Variants in EPB41 observed in about 807,000 individuals in gnomAD.
The protein encoded by EPB41 is erythrocyte membrane protein band 4.1.
Under a neutral mutation model 108.0 loss-of-function variants are expected in EPB41, and 65 were observed. The ratio of observed to expected loss-of-function variants is 0.60; its 90% CI spans 0.49 to 0.74. EPB41 has a LOEUF of 0.74. EPB41 is among the 30% of genes least tolerant of loss of function. The probability of loss-of-function intolerance (pLI) is 0.00; values close to 1 mark genes in which losing one functional copy is unlikely to be tolerated. For synonymous variants in EPB41, 336 were observed against 358.9 expected (o/e 0.94, Z 0.72); for missense variants, 875 against 1,037.0 (o/e 0.84, Z 2.15).
At chr1:28,892,062 C>A (rs1451161420) in intron 1 of EPB41, among the ~76,000 whole-genome samples, 1 of 138,590 alleles carries the variant, frequency 7.2e-6, no homozygotes, top group African/African-American at 2.8e-5. Flanking sequence ...CACTGCACTC[C>A]AGCCTGGGCA....
rs145888614 is a variant in EPB41, at chr1:29,053,114, C to T, written c.1647C>T (p.Val549=). The change falls in exon 12 of 21, where the codon GTC becomes GTT. Residue 549 remains valine (V), a synonymous_variant. Transcript: ENST00000343067. Reference sequence around the variant, plus strand: ...CCCTTTCTCACATAGCAGCAGCTGTCGATTCGGCAGACCGAAGTCCTCGGC... The same window carrying T: ...CCCTTTCTCACATAGCAGCAGCTGTTGATTCGGCAGACCGAAGTCCTCGGC... ...ASRSLDGAAA[V]DSADRSPRPT... 134 of 1,613,888 alleles carry T rather than the reference C, an allele frequency of 8.3e-5. No homozygotes were observed. The highest frequency in any genetic ancestry group is 1.1e-4 in the Non-Finnish European group (125 of 1,180,044).
At chr1:29,047,398 C>T (rs1325417374) in intron 11 of EPB41, among the ~76,000 whole-genome samples, 10 of 149,812 alleles carry the variant, frequency 6.7e-5, no homozygotes, top group Non-Finnish European at 7.4e-5. Flanking sequence ...CACAAGTTCA[C>T]GCTACCGCGC....
intron 16 of EPB41, chr1:29,071,094 G>T (rs1651144103): frequency 6.6e-6 from 1 of 152,384 alleles, no homozygotes; most frequent in Non-Finnish European, 1.5e-5. Context: ...GCCTTAAAAT[G>T]ATAACGTTTT....
chr1:29,020,765 G>A (rs1459697075), intron 7 of EPB41, among the ~76,000 whole-genome samples: 9 of 151,894 alleles, frequency 5.9e-5, no homozygotes, highest in African/African-American at 2.2e-4. Context: ...TCAAGTGATC[G>A]TCTCATCTCA....
chr1:29,049,323 A>AGTTTT (rs1316935358), intron 11 of EPB41, among the ~76,000 whole-genome samples: 1 of 152,224 alleles, frequency 6.6e-6, no homozygotes, highest in Non-Finnish European at 1.5e-5. Flanking sequence ...TAGGAATTAC[A>AGTTTT]GTTTTACTCA....
At chr1:29,092,823 G>A (rs1280680581) in intron 16 of EPB41, among the ~76,000 whole-genome samples, 1 of 152,068 alleles carries the variant, frequency 6.6e-6, no homozygotes, top group East Asian at 1.9e-4. Flanking sequence ...TTGTTCCTGT[G>A]TTCGTTTGCT....
In EPB41 at chr1:28,897,647, GA is replaced by G. The variant is rs1557614017; in HGVS notation, c.-8+10438del. ...GGGGAGAGGAGGGGAGAGGAGGGGA[GA>G]GGAGGGGAGGGGACAGGAGGGAAGG... On this transcript the variant is annotated intron_variant, in intron 1 of 16. Transcript: ENST00000347529. Among the ~76,000 whole-genome samples the G allele has an allele frequency of 1.3e-3, 28 of 21,052 alleles. 3 individuals are homozygous for G. Among genetic ancestry groups the G allele is most frequent in the African/African-American group, 5.7e-3 (28 of 4,878 alleles). 13.8% of individuals were successfully genotyped at this position (21,052 alleles called of 152,430 possible).
chr1:28,942,568 C>T (rs919173151), intron 1 of EPB41, among the ~76,000 whole-genome samples: 4 of 152,238 alleles, frequency 2.6e-5, no homozygotes, highest in African/African-American at 9.6e-5. Flanking sequence ...ACCTTGCCCT[C>T]TCTGGGCACA....
chr1:29,000,906 A>G (rs2096281924), intron 4 of EPB41, among the ~76,000 whole-genome samples: 1 of 152,160 alleles, frequency 6.6e-6, no homozygotes, highest in Non-Finnish European at 1.5e-5. Context: ...ATGGAAGGGA[A>G]AGTAGGAACT....
intron 1 of EPB41, among the ~76,000 whole-genome samples, chr1:28,915,403 C>T (rs182016987): frequency 1.3e-5 from 2 of 152,252 alleles, no homozygotes; most frequent in Admixed American, 6.5e-5. Context: ...AATCTTCCTC[C>T]GTGCTCGCTG....
chr1:28,945,611 T>C (rs111902457), intron 1 of EPB41, among the ~76,000 whole-genome samples: 64 of 152,350 alleles, frequency 4.2e-4, no homozygotes, highest in African/African-American at 1.5e-3. Context: ...AGTGAATATA[T>C]TAAGTATAAG....
intron 16 of EPB41, among the ~76,000 whole-genome samples, chr1:29,085,141 CTTTTTTTTTT>C (rs527593950): frequency 3.4e-5 from 4 of 117,322 alleles, no homozygotes; most frequent in African/African-American, 1.3e-4. Flanking sequence ...CTTTGATCTT[CTTTTTTTTTT>C]TTTTTTTTTT....
chr1:28,888,821 G>T (rs1378153954), intron 1 of EPB41, among the ~76,000 whole-genome samples: 2 of 151,704 alleles, frequency 1.3e-5, no homozygotes, highest in South Asian at 2.1e-4. Context: ...TAGAGACGGG[G>T]ATTCACCGTG....
intron 1 of EPB41, among the ~76,000 whole-genome samples, chr1:28,980,884 C>T (rs989268684): frequency 2.9e-4 from 43 of 149,180 alleles, no homozygotes; most frequent in African/African-American, 1.1e-3. Context: ...GCAACCTCGA[C>T]TGCCTGGCCT....
At chr1:28,959,357 C>T (rs1395033012) in intron 1 of EPB41, among the ~76,000 whole-genome samples, 4 of 151,728 alleles carry the variant, frequency 2.6e-5, no homozygotes, top group East Asian at 3.9e-4. Context: ...GCTGGGATTA[C>T]GGGCCTGTGC....
At position 28,921,938 on chromosome 1, in the gene EPB41, T is replaced by TTATATATATATATA. The variant is rs66808636; in HGVS notation, c.-8+7181_-8+7194dup. Among the ~76,000 whole-genome samples, 342 of 102,566 alleles carry TTATATATATATATA rather than the reference T, an allele frequency of 3.3e-3. 6 individuals are homozygous for TTATATATATATATA. The highest frequency in any genetic ancestry group is 0.011 in the East Asian group (13 of 1,154). The allele number at this position is 102,566 out of a possible 152,430, so 67.3% of individuals were successfully genotyped here. A position where few individuals can be genotyped will look rare whatever the true frequency, so the allele number is the denominator to read the frequency against. Reference sequence around the variant, plus strand: ...TAAATAGTATTTTATTTATGAAATTTTATATATATATATATATATATATAC... The same window carrying TTATATATATATATA: ...TAAATAGTATTTTATTTATGAAATTTTATATATATATATATATATATATATATATATATATATAC... On this transcript the variant is annotated intron_variant, in intron 1 of 20. Transcript: ENST00000343067.
rs1282410360 is a variant in EPB41, at chr1:28,938,907, A to G, written c.-8+24139A>G. 2.0e-5 allele frequency among the ~76,000 whole-genome samples: 3 copies of G among 152,138 alleles called. No homozygotes were observed. In the East Asian group the frequency reaches 5.8e-4, roughly 29 times the overall value. On this transcript the variant is annotated intron_variant, in intron 1 of 20. Transcript: ENST00000343067. The stretch of plus-strand genomic sequence containing the variant: ...GATTCCTTAGAATTTTCTATTTACA[A>G]GATTATGTCATCTGCAAATAGGGAT...
chr1:28,907,720 C>T (rs2091944287), intron 1 of EPB41, among the ~76,000 whole-genome samples: 1 of 152,084 alleles, frequency 6.6e-6, no homozygotes, highest in South Asian at 2.1e-4. Context: ...TCCAGTGATC[C>T]TCCCACCTCA....
intron 1 of EPB41, among the ~76,000 whole-genome samples, chr1:28,919,605 AGGCATGCAC>A (rs2092931497): frequency 6.6e-6 from 1 of 151,950 alleles, no homozygotes; most frequent in Non-Finnish European, 1.5e-5. Flanking sequence ...CTGGGACTAC[AGGCATGCAC>A]GGCTAATTTT....
Sources: allele counts gnomAD v4.1 joint callset (sites outside exome capture counted in the v4.1 genomes callset), GRCh38; gene constraint gnomAD v4.1.1; transcripts MANE v1.5; gene names NCBI Gene and HGNC (gene_info 2026-07-23, HGNC 2026-07-21).